Variants in MYCBP2 observed in about 807,000 individuals in gnomAD.
The protein encoded by MYCBP2 is MYC binding protein 2.
A neutral mutation model predicts 525.3 loss-of-function variants in MYCBP2; 120 were observed. The observed-to-expected ratio is 0.23, with a 90% CI of 0.20 to 0.27. MYCBP2 has a LOEUF of 0.27. Ranked by LOEUF, MYCBP2 falls within the 10% of genes least tolerant of loss-of-function variation. The pLI, the probability that MYCBP2 is intolerant of heterozygous loss-of-function variation, is 1.00. For synonymous variants in MYCBP2, 1,894 were observed against 1,955.8 expected (o/e 0.97, Z 0.83); for missense variants, 4,149 against 5,657.1 (o/e 0.73, Z 8.55).
chr13:77,225,822 A>G (rs1020058745), intron 18 of MYCBP2, among the ~76,000 whole-genome samples: 1 of 152,232 alleles, frequency 6.6e-6, no homozygotes, highest in Non-Finnish European at 1.5e-5. Context: ...TATGTAATAA[A>G]CGGGTCATTA....
intron 13 of MYCBP2, among the ~76,000 whole-genome samples, chr13:77,258,233 C>A (rs1473342679): frequency 6.6e-6 from 1 of 152,178 alleles, no homozygotes; most frequent in Non-Finnish European, 1.5e-5. Context: ...AGTATATTGA[C>A]ATGAAATTGT....
chr13:77,159,125 C>A (rs538056515), intron 44 of MYCBP2, among the ~76,000 whole-genome samples: 25 of 152,232 alleles, frequency 1.6e-4, no homozygotes, highest in Admixed American at 1.3e-4. Flanking sequence ...TCTTTGGAAT[C>A]AAATAGACTT....
intron 17 of MYCBP2, among the ~76,000 whole-genome samples, chr13:77,234,551 G>A (rs1283267937): frequency 6.6e-6 from 1 of 151,896 alleles, no homozygotes; most frequent in Non-Finnish European, 1.5e-5. Flanking sequence ...GAAAAACCAT[G>A]AATAACATAT....
chr13:77,237,368 A>T (rs2068074632), intron 17 of MYCBP2, among the ~76,000 whole-genome samples: 1 of 152,156 alleles, frequency 6.6e-6, no homozygotes, highest in Admixed American at 6.5e-5. Flanking sequence ...TCTGTACATG[A>T]TTATATTTTA....
At chr13:77,066,166 T>G in intron 71 of MYCBP2, 78 bp from the exon 72 acceptor site, 1 of 1,020,972 alleles carries the variant, frequency 9.8e-7, no homozygotes, top group Non-Finnish European at 1.5e-6. Flanking sequence ...AAATGTTATT[T>G]CAGAATGCAG....
chr13:77,091,065 G>A (rs2045325701), intron 59 of MYCBP2, among the ~76,000 whole-genome samples: 1 of 151,970 alleles, frequency 6.6e-6, no homozygotes, highest in Non-Finnish European at 1.5e-5. Flanking sequence ...TTTGCTCACC[G>A]TTGGTTCTGG....
At chr13:77,199,428 C>T (rs2154266807) in intron 26 of MYCBP2, among the ~76,000 whole-genome samples, 1 of 152,336 alleles carries the variant, frequency 6.6e-6, no homozygotes, top group Non-Finnish European at 1.5e-5. Flanking sequence ...GCACAGCAGT[C>T]TGAGATCAAA....
intron 46 of MYCBP2, among the ~76,000 whole-genome samples, chr13:77,155,624 A>T (rs1180340803): frequency 6.6e-6 from 1 of 152,166 alleles, no homozygotes; most frequent in Non-Finnish European, 1.5e-5. Context: ...ATCTAAACTC[A>T]TATATTTCTA....
At chr13:77,303,290 A>G (rs1040518944) in intron 1 of MYCBP2, among the ~76,000 whole-genome samples, 2 of 152,224 alleles carry the variant, frequency 1.3e-5, no homozygotes, top group Admixed American at 1.3e-4. Context: ...CGTAGATCAC[A>G]CCACTGTCCT....
chr13:77,138,569 T>A (rs2054109296), intron 52 of MYCBP2, among the ~76,000 whole-genome samples: 2 of 152,212 alleles, frequency 1.3e-5, no homozygotes, highest in South Asian at 4.1e-4. Flanking sequence ...GGTTAATATA[T>A]AAAACGAAGT....
intron 62 of MYCBP2, among the ~76,000 whole-genome samples, chr13:77,086,265 T>C (rs186912077): frequency 3.3e-5 from 5 of 152,272 alleles, no homozygotes; most frequent in Admixed American, 3.3e-4. Flanking sequence ...CTGACAGCCT[T>C]TTAAACAAAC....
intron 1 of MYCBP2, among the ~76,000 whole-genome samples, chr13:77,323,014 C>T (rs938434589): frequency 6.6e-6 from 1 of 152,018 alleles, no homozygotes; most frequent in African/African-American, 2.4e-5. Context: ...GTCCCCACAC[C>T]CCTCATTCTC....
At chr13:77,225,308 ATT>A (rs2066103971) in intron 19 of MYCBP2, 125 bp downstream of exon 19, 37 of 1,241,210 alleles carry the variant, frequency 3.0e-5, no homozygotes, top group Non-Finnish European at 3.9e-5. Flanking sequence ...GGTCTTACAG[ATT>A]TGAGAGACTG....
chr13:77,207,291 T>C (rs576945380), intron 23 of MYCBP2, among the ~76,000 whole-genome samples: 1 of 152,318 alleles, frequency 6.6e-6, no homozygotes, highest in African/African-American at 2.4e-5. Context: ...GAAGCACAGA[T>C]AGAATGGATG....
At chr13:77,197,301 T>C (rs1278493588) in intron 26 of MYCBP2, among the ~76,000 whole-genome samples, 1 of 152,034 alleles carries the variant, frequency 6.6e-6, no homozygotes, top group Non-Finnish European at 1.5e-5. Context: ...CCAAGACAAA[T>C]ACCTTTGCCT....
Position 77,326,372 on chromosome 13 carries a change from C to G in MYCBP2, c.302+102G>C, listed in dbSNP as rs1467531556. The G allele has an allele frequency of 4.3e-6, 5 of 1,165,796 alleles. No individual in the cohort carries two copies. The highest frequency in any genetic ancestry group is 5.8e-6 in the Non-Finnish European group (5 of 859,888). The allele number at this position is 1,165,796 out of a possible 1,614,324, so 72.2% of individuals were successfully genotyped here. A position where few individuals can be genotyped will look rare whatever the true frequency, so the allele number is the denominator to read the frequency against. ...GCGGACTGAAAGCTCAATAAATGCG[C>G]AGGTACACACACGCAAGCACACACA... is the stretch of plus-strand genomic sequence containing the variant. On this transcript the variant is annotated intron_variant, in intron 1 of 82. Transcript: ENST00000544440. The surrounding 1 kb of genome is among the most constrained non-coding windows in gnomAD (Gnocchi z 4.2).
At chr13:77,149,900 A>C (rs1301822299) in intron 47 of MYCBP2, among the ~76,000 whole-genome samples, 1 of 152,198 alleles carries the variant, frequency 6.6e-6, no homozygotes, top group Admixed American at 6.5e-5. Flanking sequence ...AAGAGACTAA[A>C]ACCAAGTCAT....
In MYCBP2 at chr13:77,061,181, G is replaced by A; in HGVS notation, c.13024C>T (p.Arg4342Ter). ...SKTMKAMVEF[R>*]EHTGKPTTSS... ...TTAAACCTTTTACCTGTGTGTTCTCGGAATTCCACCATTGCCTTCATTGTT... is the reference window on the plus strand; with the variant it reads ...TTAAACCTTTTACCTGTGTGTTCTCAGAATTCCACCATTGCCTTCATTGTT... Residue 4342 changes from arginine to a stop codon, truncating the protein, a stop_gained, in exon 76 of 83, where the codon CGA (arginine) becomes TGA (stop). Coordinates refer to ENST00000544440, the MANE Select transcript of MYCBP2 (RefSeq NM_015057.5). LOFTEE classifies it high-confidence loss of function. The A allele has an allele frequency of 1.2e-6, 2 of 1,605,474 alleles. No individual in the cohort carries two copies. Among genetic ancestry groups the A allele is most frequent in the Non-Finnish European group, 1.7e-6 (2 of 1,176,344 alleles).
Position 77,144,616 on chromosome 13 carries a change from T to A in MYCBP2, c.7188-56A>T. ...TTTACTTTTGGTTAAGCAGTCAACA[T>A]CATTACGATAGTTCAGCAAACATTT... is the stretch of plus-strand genomic sequence containing the variant. On this transcript the variant is annotated intron_variant, in intron 48 of 82. Coordinates refer to ENST00000544440, the MANE Select transcript of MYCBP2 (RefSeq NM_015057.5). 1.1e-5 allele frequency: 12 copies of A among 1,106,432 alleles called. No homozygotes were observed. The South Asian group carries it at 1.4e-4, about 13-fold the overall frequency. The allele number at this position is 1,106,432 out of a possible 1,614,324, so 68.5% of individuals were successfully genotyped here. A position where few individuals can be genotyped will look rare whatever the true frequency, so the allele number is the denominator to read the frequency against.
Sources: allele counts gnomAD v4.1 joint callset (sites outside exome capture counted in the v4.1 genomes callset), GRCh38; gene constraint gnomAD v4.1.1; non-coding constraint Gnocchi (gnomAD v3.1); transcripts MANE v1.5; gene names NCBI Gene and HGNC (gene_info 2026-07-23, HGNC 2026-07-21).